EGFR: variants seen among roughly 807,000 people sequenced by gnomAD.
The protein encoded by EGFR is avian erythroblastic leukemia viral (v-erb-b) oncogene homolog.
In EGFR, 58 loss-of-function variants were observed where a neutral mutation model predicts 143.0. The observed-to-expected ratio is 0.41, with a 90% CI of 0.33 to 0.50. The LOEUF (loss-of-function observed/expected upper bound fraction) is 0.50. Ranked by LOEUF, EGFR falls within the 20% of genes least tolerant of loss-of-function variation. EGFR has a pLI of 0.39. For missense variants in EGFR, 1,307 were observed against 1,579.0 expected (o/e 0.83, Z 2.92); for synonymous variants, 613 against 594.4 (o/e 1.03, Z -0.45).
At chr7:55,062,965 C>T (rs7800086) in intron 1 of EGFR, among the ~76,000 whole-genome samples, 5,258 of 152,034 alleles carry the variant, frequency 0.035, 212 homozygotes, top group South Asian at 0.12. Flanking sequence ...AGAGGCACCA[C>T]GGTTCCCTTT....
At chr7:55,108,372 G>A (rs911829804) in intron 1 of EGFR, among the ~76,000 whole-genome samples, 8 of 152,258 alleles carry the variant, frequency 5.3e-5, no homozygotes, top group Admixed American at 4.6e-4. Flanking sequence ...GGGTCCGAGA[G>A]TGACTGTCTC....
At chr7:55,179,510 G>A (rs548015068) in intron 19 of EGFR, among the ~76,000 whole-genome samples, 1 of 152,196 alleles carries the variant, frequency 6.6e-6, no homozygotes, top group Admixed American at 6.5e-5. Context: ...TTCTCCCGTG[G>A]GTAAGGGTGG....
At chr7:55,089,411 T>G (rs1280442940) in intron 1 of EGFR, among the ~76,000 whole-genome samples, 1 of 152,166 alleles carries the variant, frequency 6.6e-6, no homozygotes, top group African/African-American at 2.4e-5. Flanking sequence ...ATTTTTAAAT[T>G]TTCAGTTATT....
At chr7:55,161,706 C>T (rs1584193305) in intron 13 of EGFR, 75 bp downstream of exon 13, 1 of 1,608,466 alleles carries the variant, frequency 6.2e-7, no homozygotes, top group Non-Finnish European at 8.5e-7. Flanking sequence ...GCTTTACAGG[C>T]ATTCTGTTTG....
intron 1 of EGFR, among the ~76,000 whole-genome samples, chr7:55,036,365 A>G (rs1476762585): frequency 6.7e-6 from 1 of 148,542 alleles, no homozygotes; most frequent in Non-Finnish European, 1.5e-5. Flanking sequence ...TATTTTCAGG[A>G]TAGGTGTCCT....
rs532676177 is a variant in EGFR, at chr7:55,066,775, G to A, written c.88+47410G>A. The stretch of plus-strand genomic sequence containing the variant: ...GTCAAGCCTCTGGCTGCTCCCTGAG[G>A]TCAGCTGCCTAGCTTCTCCTCCTCT... On this transcript the variant is annotated intron_variant, in intron 1 of 27. Coordinates refer to ENST00000275493, the MANE Select transcript of EGFR (RefSeq NM_005228.5). Among the ~76,000 whole-genome samples, 198 of 152,302 alleles carry A rather than the reference G, an allele frequency of 1.3e-3. 1 individual carries two copies. Among genetic ancestry groups the A allele is most frequent in the Non-Finnish European group, 2.4e-4 (16 of 68,026 alleles).
At chr7:55,147,659 G>C (rs1794837861) in intron 4 of EGFR, among the ~76,000 whole-genome samples, 1 of 152,222 alleles carries the variant, frequency 6.6e-6, no homozygotes, top group African/African-American at 2.4e-5. Flanking sequence ...ACCATTGTAA[G>C]TTACAATGTC....
chr7:55,126,498 C>G (rs1175827231), intron 1 of EGFR, among the ~76,000 whole-genome samples: 1 of 152,166 alleles, frequency 6.6e-6, no homozygotes, highest in Non-Finnish European at 1.5e-5. Context: ...CAAGGGGACC[C>G]CACTACTGTT....
At chr7:55,110,396 C>T (rs1372006617) in intron 1 of EGFR, among the ~76,000 whole-genome samples, 1 of 152,190 alleles carries the variant, frequency 6.6e-6, no homozygotes, top group East Asian at 1.9e-4. Context: ...TTGCTGCAGC[C>T]AAGCCTGCCC....
In EGFR at chr7:55,160,964, G is replaced by T. The variant is rs41474451; in HGVS notation, c.1499-535G>T. On this transcript the variant is annotated intron_variant, in intron 12 of 27. Transcript: ENST00000275493. ...ATTCCTGTGTGTAAAACCCTTCCAT[G>T]GTGCCTAGCACACAGCACACAGCCA... Among the ~76,000 whole-genome samples, 383 of 152,296 alleles carry T rather than the reference G, an allele frequency of 2.5e-3. 4 individuals carry two copies. Among genetic ancestry groups the T allele is most frequent in the Middle Eastern group, 0.01 (3 of 294 alleles).
At chr7:55,176,302 A>G (rs1036653672) in intron 19 of EGFR, among the ~76,000 whole-genome samples, 1 of 152,248 alleles carries the variant, frequency 6.6e-6, no homozygotes, top group Non-Finnish European at 1.5e-5. Context: ...TTGGGAAGGA[A>G]GCAGTGTTCA....
At chr7:55,179,055 T>C (rs2128956877) in intron 19 of EGFR, among the ~76,000 whole-genome samples, 2 of 152,326 alleles carry the variant, frequency 1.3e-5, no homozygotes, top group East Asian at 3.9e-4. Context: ...GGGCGGAGAC[T>C]TGAGTCAACG....
chr7:55,114,874 T>G (rs950290315), intron 1 of EGFR, among the ~76,000 whole-genome samples: 1 of 149,752 alleles, frequency 6.7e-6, no homozygotes, highest in Admixed American at 6.7e-5. Context: ...TGTATTTGTA[T>G]TATTCTTTTT....
intron 1 of EGFR, among the ~76,000 whole-genome samples, chr7:55,028,436 G>A (rs1386676783): frequency 6.6e-6 from 1 of 152,260 alleles, no homozygotes; most frequent in East Asian, 1.9e-4. Context: ...GACAGGCAAA[G>A]GTGTCCTGAG....
intron 15 of EGFR, among the ~76,000 whole-genome samples, chr7:55,166,075 C>T (rs1364103075): frequency 2.0e-5 from 3 of 151,776 alleles, no homozygotes; most frequent in Non-Finnish European, 4.4e-5. Context: ...TGCTTGAACC[C>T]GGGAGGCAGA....
chr7:55,118,011 G>A (rs978476328), intron 1 of EGFR, among the ~76,000 whole-genome samples: 7 of 152,172 alleles, frequency 4.6e-5, no homozygotes, highest in East Asian at 3.8e-4. Flanking sequence ...ACTCAGACTC[G>A]GCGTGTCTAT....
intron 1 of EGFR, among the ~76,000 whole-genome samples, chr7:55,125,154 C>T (rs908761684): frequency 6.6e-6 from 1 of 152,176 alleles, no homozygotes; most frequent in Non-Finnish European, 1.5e-5. Flanking sequence ...GCTGTCGCCT[C>T]CTAGGGGTTT....
intron 1 of EGFR, among the ~76,000 whole-genome samples, chr7:55,085,461 C>T (rs754204525): frequency 3.3e-5 from 5 of 152,234 alleles, no homozygotes; most frequent in East Asian, 3.8e-4. Flanking sequence ...CCACTGTGCA[C>T]GCCCTCTTGT....
intron 1 of EGFR, among the ~76,000 whole-genome samples, chr7:55,073,213 G>A (rs888318426): frequency 6.6e-6 from 1 of 152,198 alleles, no homozygotes; most frequent in Non-Finnish European, 1.5e-5. Context: ...CAAGGAAAGG[G>A]CAGTTGGATA....
Sources: allele counts gnomAD v4.1 joint callset (sites outside exome capture counted in the v4.1 genomes callset), GRCh38; gene constraint gnomAD v4.1.1; transcripts MANE v1.5; gene names NCBI Gene and HGNC (gene_info 2026-07-23, HGNC 2026-07-21).